Variants in CDKN2B-AS1 observed in about 807,000 individuals in gnomAD.
The protein encoded by CDKN2B-AS1 is CDKN2B antisense RNA 1 (non-protein coding).
intron 4 of CDKN2B-AS1, among the ~76,000 whole-genome samples, chr9:22,116,062 T>G (rs1825941719): frequency 6.6e-6 from 1 of 152,200 alleles, no homozygotes; most frequent in Non-Finnish European, 1.5e-5. Context: ...CAACATTCTC[T>G]TAGCTTCTTT....
At chr9:22,012,956 G>A (rs1230224713) in intron 1 of CDKN2B-AS1, among the ~76,000 whole-genome samples, 1 of 152,186 alleles carries the variant, frequency 6.6e-6, no homozygotes, top group Non-Finnish European at 1.5e-5. Flanking sequence ...TGCTAGGGCT[G>A]CCATAACAGA....
chr9:22,058,877 G>T (rs779635214), intron 4 of CDKN2B-AS1: 11 of 219,316 alleles, frequency 5.0e-5, no homozygotes, highest in Non-Finnish European at 8.0e-5. Flanking sequence ...TTCTTACATG[G>T]TGGCAGCAAG....
At chr9:22,126,568 T>G (rs1371210130) in intron 4 of CDKN2B-AS1, among the ~76,000 whole-genome samples, 2 of 139,394 alleles carry the variant, frequency 1.4e-5, no homozygotes, top group African/African-American at 2.7e-5. Flanking sequence ...ATGGAGTAAG[T>G]GGATTCTTTT....
At chr9:22,053,871 A>G (rs1823452485) in intron 3 of CDKN2B-AS1, among the ~76,000 whole-genome samples, 1 of 152,162 alleles carries the variant, frequency 6.6e-6, no homozygotes, top group East Asian at 1.9e-4. Context: ...GAAGGAAAAA[A>G]TAAGGATTTT....
intron 1 of CDKN2B-AS1, chr9:22,033,028 C>G (rs1269482970): frequency 6.6e-6 from 1 of 152,082 alleles, no homozygotes; most frequent in Non-Finnish European, 1.5e-5. Context: ...CCTGTCAGAT[C>G]AGCAGTGGCA....
intron 4 of CDKN2B-AS1, chr9:22,065,823 C>G (rs1002918042): frequency 2.6e-5 from 4 of 152,202 alleles, no homozygotes; most frequent in African/African-American, 9.7e-5. Context: ...GAAAACAAAT[C>G]TATGCTATAT....
At chr9:21,994,917 C>T (rs1407417110), upstream of CDKN2B-AS1, 2 of 153,616 alleles carry the variant, frequency 1.3e-5, no homozygotes, top group Non-Finnish European at 2.9e-5. Flanking sequence ...CGAAAGTCTT[C>T]CATTCTTCAA....
intron 4 of CDKN2B-AS1, among the ~76,000 whole-genome samples, chr9:22,099,480 T>G (rs1825405175): frequency 6.6e-6 from 1 of 152,180 alleles, no homozygotes; most frequent in Admixed American, 6.5e-5. Context: ...TATTTTCTTG[T>G]TTTTAGATGC....
chr9:22,009,317 C>A (rs972068928), intron 1 of CDKN2B-AS1: 2 of 418,238 alleles, frequency 4.8e-6, no homozygotes, highest in South Asian at 5.8e-5. Context: ...GGGAGCCAGC[C>A]GGCAAAGAAT....
intron 3 of CDKN2B-AS1, among the ~76,000 whole-genome samples, chr9:22,052,960 C>G (rs2131284703): frequency 6.6e-6 from 1 of 152,278 alleles, no homozygotes; most frequent in South Asian, 2.1e-4. Context: ...TGTGGCTGAA[C>G]TGGCGCCAGC....
chr9:22,115,649 G>T (rs1479215105), intron 4 of CDKN2B-AS1, among the ~76,000 whole-genome samples: 3 of 151,934 alleles, frequency 2.0e-5, no homozygotes, highest in Non-Finnish European at 4.4e-5. Flanking sequence ...AGTACATGGG[G>T]TAGCAAGGGG....
At chr9:22,012,580 A>C (rs934216645) in intron 1 of CDKN2B-AS1, 2 of 493,038 alleles carry the variant, frequency 4.1e-6, no homozygotes, top group Non-Finnish European at 7.7e-6. Context: ...CCCAGGCCCC[A>C]TGGCCCTGGA....
chr9:22,043,614 G>A (rs956490037), intron 1 of CDKN2B-AS1, among the ~76,000 whole-genome samples: 3 of 151,772 alleles, frequency 2.0e-5, no homozygotes, highest in Admixed American at 2.0e-4. Context: ...AGTTGTTTAC[G>A]CTTTATTTCA....
At chr9:22,015,169 CCTGAGAAATCGCCACA>C (rs1230183561) in intron 1 of CDKN2B-AS1, among the ~76,000 whole-genome samples, 1 of 152,066 alleles carries the variant, frequency 6.6e-6, no homozygotes, top group African/African-American at 2.4e-5. Context: ...GTTCTAGATC[CCTGAGAAATCGCCACA>C]CTGACTTCCA....
At chr9:22,051,871 G>A (rs1587460961) in intron 3 of CDKN2B-AS1, among the ~76,000 whole-genome samples, 3 of 151,840 alleles carry the variant, frequency 2.0e-5, no homozygotes, top group Admixed American at 6.6e-5. Flanking sequence ...TAAATTAGAC[G>A]TATACATTTA....
At chr9:22,084,560 G>A (rs1048853345) in intron 4 of CDKN2B-AS1, among the ~76,000 whole-genome samples, 3 of 152,022 alleles carry the variant, frequency 2.0e-5, no homozygotes, top group African/African-American at 4.8e-5. Flanking sequence ...TCAGAGAAAG[G>A]GGGTGGGCAG....
At position 22,035,434 on chromosome 9, in the gene CDKN2B-AS1, G is replaced by A. The variant is rs146920410; in HGVS notation, n.30-11317G>A. On this transcript the variant is annotated intron_variant and non_coding_transcript_variant, in intron 1 of 4. Transcript: ENST00000650946. The stretch of plus-strand genomic sequence containing the variant: ...TGTGTTTGTTTATTTTCCTTGTTGG[G>A]TAATCGTGAATATGTTGATTGGCGT... 2.9e-3 allele frequency among the ~76,000 whole-genome samples: 446 copies of A among 152,162 alleles called. 2 individuals are homozygous for A. The highest frequency in any genetic ancestry group is 2.4e-3 in the Admixed American group (36 of 15,280).
intron 4 of CDKN2B-AS1, among the ~76,000 whole-genome samples, chr9:22,107,197 T>G (rs1439837123): frequency 6.6e-6 from 1 of 152,170 alleles, no homozygotes; most frequent in African/African-American, 2.4e-5. Flanking sequence ...ACATCAGTAG[T>G]GTGGGTGATG....
In CDKN2B-AS1 at chr9:22,006,501, T is replaced by C. The variant is rs78411540; in HGVS notation, n.29+11340T>C. Among the ~76,000 whole-genome samples, 783 of 152,294 alleles carry C rather than the reference T, an allele frequency of 5.1e-3. 9 individuals are homozygous for C. Among genetic ancestry groups the C allele is most frequent in the African/African-American group, 0.018 (763 of 41,566 alleles). On this transcript the variant is annotated intron_variant and non_coding_transcript_variant, in intron 1 of 4. Coordinates refer to ENST00000650946, the Ensembl canonical transcript of CDKN2B-AS1. The surrounding 1 kb of genome is among the most constrained non-coding windows in gnomAD (Gnocchi z 6.4). The stretch of plus-strand genomic sequence containing the variant: ...CTCTAAACGTGCAGAGACAAGAAAG[T>C]TGATGGTAAAGTGATGATCATCATT...
Sources: gnomAD v4.1 joint callset for allele counts (sites outside exome capture counted in the v4.1 genomes callset) on GRCh38, gnomAD v4.1.1 for gene constraint, Gnocchi (gnomAD v3.1) non-coding constraint, MANE v1.5 for transcripts, NCBI Gene and HGNC (gene_info 2026-07-23, HGNC 2026-07-21) for gene names.